Variants in KCNT2 observed in about 807,000 individuals in gnomAD.
The protein encoded by KCNT2 is potassium channel subfamily T member 2.
Under a neutral mutation model 153.8 loss-of-function variants are expected in KCNT2, and 67 were observed. The ratio of observed to expected loss-of-function variants is 0.44; its 90% confidence interval spans 0.36 to 0.53. The LOEUF (loss-of-function observed/expected upper bound fraction) is 0.53. Ranked by LOEUF, KCNT2 falls within the 20% of genes least tolerant of loss-of-function variation. The pLI is 0.00. For synonymous variants in KCNT2, 500 were observed against 458.8 expected, an observed-to-expected ratio of 1.09 and a Z score of -1.15; for missense variants, 975 against 1,354.8, an observed-to-expected ratio of 0.72 and a Z score of 4.40.
intron 13 of KCNT2, among the ~76,000 whole-genome samples, chr1:196,377,974 A>T (rs967842676): frequency 6.6e-6 from 1 of 152,148 alleles, no homozygotes; most frequent in Non-Finnish European, 1.5e-5. Context: ...AACAAAATCC[A>T]GTAAGTCAGG....
chr1:196,418,933 T>A (rs1367561703), intron 12 of KCNT2, among the ~76,000 whole-genome samples: 1 of 152,044 alleles, frequency 6.6e-6, no homozygotes, highest in East Asian at 1.9e-4. Flanking sequence ...AGAGGTGGCC[T>A]TCCTGAAGTT....
intron 19 of KCNT2, among the ~76,000 whole-genome samples, chr1:196,321,619 C>T (rs1271720820): frequency 1.3e-5 from 2 of 151,898 alleles, no homozygotes; most frequent in East Asian, 1.9e-4. Context: ...TAGTATGGTT[C>T]ATCCTTACAT....
At chr1:196,311,778 T>C (rs1303474251) in intron 21 of KCNT2, among the ~76,000 whole-genome samples, 1 of 151,782 alleles carries the variant, frequency 6.6e-6, no homozygotes, top group Non-Finnish European at 1.5e-5. Flanking sequence ...GATGAGACAC[T>C]AAATTTCTCT....
chr1:196,252,481 A>G (rs1404056097), intron 26 of KCNT2, among the ~76,000 whole-genome samples: 2 of 151,764 alleles, frequency 1.3e-5, no homozygotes, highest in Non-Finnish European at 3.0e-5. Flanking sequence ...AAATAATATA[A>G]TACCATTTCA....
intron 16 of KCNT2, among the ~76,000 whole-genome samples, chr1:196,339,502 AAG>A (rs1023059304): frequency 1.5e-5 from 2 of 131,326 alleles, no homozygotes; most frequent in South Asian, 2.5e-4. Flanking sequence ...CAGAGATATG[AAG>A]AGACACACAC....
At chr1:196,595,100 C>G (rs1252551999) in intron 1 of KCNT2, among the ~76,000 whole-genome samples, 1 of 151,606 alleles carries the variant, frequency 6.6e-6, no homozygotes, top group East Asian at 1.9e-4. Context: ...GCTATGCTGG[C>G]AAGTGCTGTA....
intron 14 of KCNT2, among the ~76,000 whole-genome samples, chr1:196,372,130 T>C (rs1474433626): frequency 6.6e-6 from 1 of 152,050 alleles, no homozygotes; most frequent in Non-Finnish European, 1.5e-5. Flanking sequence ...AGAATAGAAA[T>C]ATTCCTATTC....
At chr1:196,256,290 C>T (rs74133641) in intron 26 of KCNT2, among the ~76,000 whole-genome samples, 1 of 151,886 alleles carries the variant, frequency 6.6e-6, no homozygotes, top group Non-Finnish European at 1.5e-5. Flanking sequence ...CCCAAAAAAG[C>T]TAACAGTTCT....
rs757331421 is a variant in KCNT2, at chr1:196,323,395, G to T, written c.2276+3322C>A. 3.2e-4 allele frequency among the ~76,000 whole-genome samples: 48 copies of T among 151,948 alleles called. 1 individual carries two copies. Among genetic ancestry groups the T allele is most frequent in the Admixed American group, 3.3e-4 (5 of 15,194 alleles). ...TGCTTTTCTATCTTTCACATGAGAT[G>T]ATGTTAAAAATGACTAGATGACCTT... On this transcript the variant is annotated intron_variant, in intron 19 of 27. Coordinates refer to ENST00000294725, the MANE Select transcript of KCNT2 (RefSeq NM_198503.5).
chr1:196,539,269 T>C (rs1366058527), intron 1 of KCNT2, among the ~76,000 whole-genome samples: 6 of 152,336 alleles, frequency 3.9e-5, no homozygotes, highest in East Asian at 1.9e-4. Context: ...CGTTAACTAA[T>C]TCAATAAATA....
At chr1:196,435,355 C>T (rs1274365816) in intron 8 of KCNT2, among the ~76,000 whole-genome samples, 1 of 149,928 alleles carries the variant, frequency 6.7e-6, no homozygotes, top group Non-Finnish European at 1.5e-5. Context: ...ATTTATAACT[C>T]CAGCCTTTGT....
Position 196,479,371 on chromosome 1 carries a change from C to T in KCNT2, c.325-133G>A, listed in dbSNP as rs74931432. 1,985 of 575,962 alleles carry T rather than the reference C, an allele frequency of 3.4e-3. 9 individuals are homozygous for T. Among genetic ancestry groups the T allele is most frequent in the East Asian group, 0.016 (508 of 31,696 alleles). 35.7% of individuals were successfully genotyped at this position (575,962 alleles called of 1,614,324 possible). A position where few individuals can be genotyped will look rare whatever the true frequency, so the allele number is the denominator to read the frequency against. ...TGGGTGTATAATAGGACTTATTAGG[C>T]GGTACTTTAACTTCTATACACAGAT... On this transcript the variant is annotated intron_variant, in intron 4 of 27. Transcript: ENST00000294725.
rs145454367 is a variant in KCNT2, at chr1:196,428,465, C to T, written c.820-196G>A. Among the ~76,000 whole-genome samples the T allele has an allele frequency of 8.0e-4, 122 of 152,106 alleles. 1 individual carries two copies. Among genetic ancestry groups the T allele is most frequent in the South Asian group, 5.6e-3 (27 of 4,816 alleles). On this transcript the variant is annotated intron_variant, in intron 9 of 27. Transcript: ENST00000294725. ...GGCTGCAAATGTCTCCCAGGGGCTT[C>T]GGGTCTCTAAGGAAACATATTAACA... is the stretch of plus-strand genomic sequence containing the variant.
chr1:196,412,817 C>G (rs561055715), intron 12 of KCNT2, among the ~76,000 whole-genome samples: 4 of 151,552 alleles, frequency 2.6e-5, no homozygotes, highest in African/African-American at 9.7e-5. Flanking sequence ...TTATTGGGTT[C>G]GACACTTAAT....
chr1:196,365,474 C>T (rs1213115294), intron 14 of KCNT2, among the ~76,000 whole-genome samples: 1 of 152,070 alleles, frequency 6.6e-6, no homozygotes, highest in Admixed American at 6.6e-5. Context: ...ATTTAAATCA[C>T]CTTTTTCTCA....
chr1:196,231,909 T>A (rs566097405), intron 27 of KCNT2, among the ~76,000 whole-genome samples: 1 of 151,746 alleles, frequency 6.6e-6, no homozygotes, highest in Non-Finnish European at 1.5e-5. Context: ...ATGTTCCAAG[T>A]CCAAATGAAA....
chr1:196,335,756 T>C (rs1287073122), intron 16 of KCNT2, among the ~76,000 whole-genome samples: 1 of 152,134 alleles, frequency 6.6e-6, no homozygotes, highest in Non-Finnish European at 1.5e-5. Flanking sequence ...AAAACAATGT[T>C]GCACACATTT....
At chr1:196,480,855 CAAAAAAAAAAAAAAAAA>C (rs372270510) in intron 4 of KCNT2, among the ~76,000 whole-genome samples, 1 of 26,896 alleles carries the variant, frequency 3.7e-5, no homozygotes. Flanking sequence ...GACTTCGTCT[CAAAAAAAAAAAAAAAAA>C]AAAAAAAAAA....
intron 8 of KCNT2, among the ~76,000 whole-genome samples, chr1:196,462,792 T>A (rs1677265103): frequency 6.6e-6 from 1 of 151,776 alleles, no homozygotes; most frequent in Non-Finnish European, 1.5e-5. Flanking sequence ...CTAATGTACA[T>A]GTGGACTTTT....
Sources: allele counts gnomAD v4.1 joint callset (sites outside exome capture counted in the v4.1 genomes callset), GRCh38; gene constraint gnomAD v4.1.1; transcripts MANE v1.5; gene names NCBI Gene and HGNC (gene_info 2026-07-23, HGNC 2026-07-21).